Variants in CD40 observed in about 807,000 individuals in gnomAD.
CD40 encodes the protein CD40 molecule.
CD40 carries 19 observed loss-of-function variants against 38.5 expected under a neutral mutation model. The ratio of observed to expected loss-of-function variants is 0.49; its 90% confidence interval spans 0.34 to 0.72. CD40 has a LOEUF of 0.72. CD40 is among the 30% of genes least tolerant of loss of function. CD40 has a pLI of 0.01. For missense variants in CD40, 256 were observed against 344.1 expected (o/e 0.74, Z 2.03); for synonymous variants, 130 against 128.7 (o/e 1.01, Z -0.07).
intron 1 of CD40, 105 bp from the exon 2 acceptor site, chr20:46,121,715 G>T: frequency 1.2e-6 from 1 of 857,492 alleles, no homozygotes; most frequent in Non-Finnish European, 2.0e-6. Context: ...GTTTTGACTT[G>T]CACTTCAGTT....
chr20:46,122,138 A>G lies in CD40; in HGVS notation c.131-95A>G, dbSNP rs1303945312. 2.7e-6 allele frequency: 4 copies of G among 1,483,362 alleles called. No homozygotes were observed. Among genetic ancestry groups the G allele is most frequent in the Non-Finnish European group, 3.8e-6 (4 of 1,062,270 alleles). 91.9% of individuals were successfully genotyped at this position (1,483,362 alleles called of 1,614,324 possible). On this transcript the variant is annotated intron_variant, in intron 2 of 8. Transcript: ENST00000372285. This position sits in a 1 kb window ranked among gnomAD's most constrained non-coding sequence, Gnocchi z 5.0. The stretch of plus-strand genomic sequence containing the variant: ...AAGGATCCAAGACTTTCATCTTTGA[A>G]TCCCCTACCCTAAAGCCTGGCCTGA...
Position 46,122,141 on chromosome 20 carries a change from C to A in CD40, c.131-92C>A, listed in dbSNP as rs192657612. ...GATCCAAGACTTTCATCTTTGAATC[C>A]CCTACCCTAAAGCCTGGCCTGATCA... On this transcript the variant is annotated intron_variant, in intron 2 of 8. Transcript: ENST00000372285. The surrounding 1 kb of genome is among the most constrained non-coding windows in gnomAD (Gnocchi z 5.0). 6.7e-7 allele frequency: 1 copy of A among 1,495,812 alleles called. No homozygotes were observed. Among genetic ancestry groups the A allele is most frequent in the African/African-American group, 1.4e-5 (1 of 72,474 alleles). The allele number at this position is 1,495,812 out of a possible 1,614,324, so 92.7% of individuals were successfully genotyped here.
rs1020742648 is a variant in CD40, at chr20:46,129,430, A to G, written c.*390A>G. On this transcript the variant is annotated 3_prime_UTR_variant, in exon 9 of 9. Transcript: ENST00000372285. ...CATATACACAGATGCCCATTGCAGC[A>G]TTGTTTGTGATAGTGAACAACTGGA... 7.7e-6 allele frequency: 2 copies of G among 259,240 alleles called. No homozygotes were observed. Among genetic ancestry groups the G allele is most frequent in the Non-Finnish European group, 1.5e-5 (2 of 129,562 alleles). 16.1% of individuals were successfully genotyped at this position (259,240 alleles called of 1,614,324 possible).
chr20:46,126,643 T>C lies in CD40; in HGVS notation c.501T>C (p.Cys167=), dbSNP rs1312066321. 1 of 1,614,068 alleles carries C rather than the reference T, an allele frequency of 6.2e-7. No individual in the cohort carries two copies. Among genetic ancestry groups the C allele is most frequent in the East Asian group, 2.2e-5 (1 of 44,902 alleles). Residue 167 remains cysteine, a synonymous_variant, in exon 6 of 9, where the codon TGT becomes TGC. Coordinates refer to ENST00000372285, the MANE Select transcript of CD40 (RefSeq NM_001250.6). ...AFEKCHPWTS[C]ETKDLVVQQA... Reference sequence around the variant, plus strand: ...TTGTGCACGTGTCTGTGCATAGCTGTGAGACCAAAGACCTGGTTGTGCAAC... The same window carrying C: ...TTGTGCACGTGTCTGTGCATAGCTGCGAGACCAAAGACCTGGTTGTGCAAC...
intron 6 of CD40, chr20:46,127,015 A>G (rs574466055): frequency 2.3e-6 from 1 of 436,818 alleles, no homozygotes; most frequent in African/African-American, 2.0e-5. Flanking sequence ...AGAAAATTAC[A>G]TTCTCTTTAC....
rs1306449178 is a variant in CD40, at chr20:46,128,893, C to G, written c.687C>G (p.Pro229=). 8.1e-6 allele frequency: 13 copies of G among 1,614,018 alleles called. No individual in the cohort carries two copies. The Admixed American group carries it at 2.2e-4, about 27-fold the overall frequency. Residue 229 remains proline, a synonymous_variant, in exon 9 of 9, where the codon CCC becomes CCG. Transcript: ENST00000372285. ...AKKPTNKAPH[P]KQEPQEINFP... is the part of the protein sequence containing the mutation. ...CCTTGCCTCTCCAGGCCCCCCACCC[C>G]AAGCAGGAACCCCAGGAGATCAATT...
chr20:46,122,034 G>T lies in CD40; in HGVS notation c.130+136G>T. 2 of 1,020,648 alleles carry T rather than the reference G, an allele frequency of 2.0e-6. No homozygotes were observed. Among genetic ancestry groups the T allele is most frequent in the Middle Eastern group, 2.3e-4 (1 of 4,360 alleles). 63.2% of individuals were successfully genotyped at this position (1,020,648 alleles called of 1,614,324 possible). ...CCCTGCTTCACTGTCAGAATGTTCT[G>T]GTTCCCTCTCTACCAGGTAAAACTC... On this transcript the variant is annotated intron_variant, in intron 2 of 8. Coordinates refer to ENST00000372285, the MANE Select transcript of CD40 (RefSeq NM_001250.6). The surrounding 1 kb of genome is among the most constrained non-coding windows in gnomAD (Gnocchi z 5.0).
intron 5 of CD40, 119 bp downstream of exon 5, chr20:46,123,338 G>A: frequency 1.1e-6 from 1 of 869,660 alleles, no homozygotes; most frequent in Non-Finnish European, 2.0e-6. Flanking sequence ...ATGTACTTGT[G>A]AAGCATCTGC....
At chr20:46,118,459 A>G in intron 1 of CD40, 65 bp downstream of exon 1, 1 of 1,296,754 alleles carries the variant, frequency 7.7e-7, no homozygotes, top group Non-Finnish European at 1.1e-6. Context: ...AAGGGAAGGA[A>G]GACTTCGGGG....
intron 5 of CD40, 150 bp downstream of exon 5, chr20:46,123,369 C>G (rs1365948910): frequency 3.9e-6 from 3 of 779,090 alleles, no homozygotes; most frequent in African/African-American, 3.4e-5. Context: ...CATGGCCAAC[C>G]AGACAGGCAC....
At position 46,118,408 on chromosome 20, in the gene CD40, G is replaced by A; in HGVS notation, c.51+14G>A. ...TTGCTGACCGCTGTGAGTTGTTTTT[G>A]CCCCGACCAGACGGGAGTTGGGAGT... On this transcript the variant is annotated intron_variant, in intron 1 of 8. Transcript: ENST00000372285. The A allele has an allele frequency of 1.2e-6, 2 of 1,602,294 alleles. No homozygotes were observed. Among genetic ancestry groups the A allele is most frequent in the South Asian group, 2.2e-5 (2 of 90,952 alleles).
intron 8 of CD40, 197 bp downstream of exon 8, chr20:46,128,555 AC>A: frequency 1.4e-6 from 1 of 726,136 alleles, no homozygotes; most frequent in Non-Finnish European, 2.4e-6. Flanking sequence ...TGCCCCTGGC[AC>A]CACTGGCAGA....
chr20:46,118,697 A>AG (rs1277609964), intron 1 of CD40, among the ~76,000 whole-genome samples: 3 of 151,962 alleles, frequency 2.0e-5, no homozygotes, highest in Non-Finnish European at 2.9e-5. Flanking sequence ...AGAGACTGGT[A>AG]GGGGGTTCAG....
At chr20:46,118,824 G>T (rs1269271102) in intron 1 of CD40, among the ~76,000 whole-genome samples, 1 of 152,194 alleles carries the variant, frequency 6.6e-6, no homozygotes, top group African/African-American at 2.4e-5. Flanking sequence ...TGCCAGCTGG[G>T]GCTGCCTTCT....
chr20:46,128,600 G>A, intron 8 of CD40: 1 of 703,206 alleles, frequency 1.4e-6, no homozygotes, highest in Admixed American at 2.1e-5. Flanking sequence ...TCCTTTCCTG[G>A]CATTCAACGC....
rs764464873 is a variant in CD40 at position 46,121,863 on chromosome 20, T to C, written c.95T>C (p.Leu32Pro). 14 of 1,614,158 alleles carry C rather than the reference T, an allele frequency of 8.7e-6. 1 individual carries two copies. The South Asian group carries it at 1.5e-4, about 18-fold the overall frequency. The change falls in exon 2 of 9, where the codon CTA (leucine) becomes CCA (proline). Residue 32 changes from leucine to proline, a missense_variant. Physicochemically the swap from Leu to Pro is moderately conservative, Grantham distance 98. Coordinates refer to ENST00000372285, the MANE Select transcript of CD40 (RefSeq NM_001250.6). The stretch of plus-strand genomic sequence containing the variant: ...ACTGCATGCAGAGAAAAACAGTACC[T>C]AATAAACAGTCAGTGCTGTTCTTTG... ...PPTACREKQY[L>P]INSQCCSLCQ...
At position 46,128,965 on chromosome 20, in the gene CD40, G is replaced by A; in HGVS notation, c.759G>A (p.Glu253=). The A allele has an allele frequency of 6.2e-7, 1 of 1,614,228 alleles. No individual in the cohort carries two copies. Among genetic ancestry groups the A allele is most frequent in the Non-Finnish European group, 8.5e-7 (1 of 1,180,036 alleles). ...PGSNTAAPVQ[E]TLHGCQPVTQ... Reference sequence around the variant, plus strand: ...CCAACACTGCTGCTCCAGTGCAGGAGACTTTACATGGATGCCAACCGGTCA... The same window carrying A: ...CCAACACTGCTGCTCCAGTGCAGGAAACTTTACATGGATGCCAACCGGTCA... The change falls in exon 9 of 9, where the codon GAG becomes GAA. Residue 253 remains glutamate, a synonymous_variant. Coordinates refer to ENST00000372285, the MANE Select transcript of CD40 (RefSeq NM_001250.6).
intron 5 of CD40, among the ~76,000 whole-genome samples, chr20:46,124,594 C>A (rs1240694275): frequency 1.3e-5 from 2 of 151,358 alleles, no homozygotes; most frequent in East Asian, 3.9e-4. Flanking sequence ...GTCTGCCTTT[C>A]CCTAATAGAT....
intron 8 of CD40, 180 bp downstream of exon 8, chr20:46,128,538 AC>A: frequency 4.0e-6 from 3 of 753,598 alleles, no homozygotes; most frequent in Non-Finnish European, 6.9e-6. Context: ...TCAATCCCCC[AC>A]AGAACTGCCC....
Sources: allele counts gnomAD v4.1 joint callset (sites outside exome capture counted in the v4.1 genomes callset), GRCh38; gene constraint gnomAD v4.1.1; non-coding constraint Gnocchi (gnomAD v3.1); transcripts MANE v1.5; gene names NCBI Gene and HGNC (gene_info 2026-07-23, HGNC 2026-07-21).